The following SEC24C variants were observed in gnomAD, a reference collection of about 807,000 sequenced individuals.
SEC24C encodes SEC24 homolog C, COPII component.
A neutral mutation model predicts 117.0 loss-of-function variants in SEC24C; 22 were observed. That is an observed-to-expected ratio of 0.19 (90% CI 0.13 to 0.27). The LOEUF (loss-of-function observed/expected upper bound fraction) is 0.27. Among genes scored for constraint, SEC24C ranks in the 10% least tolerant of loss-of-function variants. SEC24C has a pLI of 1.00. For missense variants in SEC24C, 1,155 were observed against 1,375.1 expected (o/e 0.84, Z 2.53); for synonymous variants, 506 against 529.4 (o/e 0.96, Z 0.61).
Position 73,746,918 on chromosome 10 carries a change from G to T in SEC24C, c.86G>T (p.Gly29Val). 1 of 1,614,048 alleles carries T rather than the reference G, an allele frequency of 6.2e-7. No individual in the cohort carries two copies. The highest frequency in any genetic ancestry group is 2.2e-5 in the East Asian group (1 of 44,874). Residue 29 changes from glycine (G) to valine (V), a missense_variant, in exon 2 of 23, where the codon GGT becomes GTT. This residue lies in a region of SEC24C where 396 missense variants were observed against 382.8 expected (regional missense o/e 1.03). Coordinates refer to ENST00000345254, the MANE Select transcript of SEC24C (RefSeq NM_198597.3). The part of the protein sequence containing the change: ...IYPGYHQSSY[G>V]GQSGSTAPAI... ...CCAGGGTATCATCAGTCCAGCTATG[G>T]TGGGCAATCAGGGTCCACAGCCCCC...
chr10:73,769,963 C>T lies in SEC24C; in HGVS notation c.2810C>T (p.Ser937Phe), dbSNP rs76327331. 344 of 1,614,174 alleles carry T rather than the reference C, an allele frequency of 2.1e-4. 1 individual carries two copies. The African/African-American group carries it at 3.9e-3, about 18-fold the overall frequency. ...GCCTATGTCCGACAGCTAGTTACCT[C>T]CATGGATGTGACTGAGACCAATGTC... The part of the protein sequence containing the change: ...DRAYVRQLVT[S>F]MDVTETNVFF... Residue 937 changes from serine to phenylalanine, a missense_variant, in exon 20 of 23, where the codon TCC (serine) becomes TTC (phenylalanine). Ser to Phe is a radical substitution (Grantham distance 155). Transcript: ENST00000345254. This position sits in a 1 kb window ranked among gnomAD's most constrained non-coding sequence, Gnocchi z 4.5.
At chr10:73,765,303 A>T in intron 8 of SEC24C, 148 bp from the exon 9 acceptor site, 1 of 764,468 alleles carries the variant, frequency 1.3e-6, no homozygotes, top group Non-Finnish European at 2.1e-6. Flanking sequence ...ATTTGTCTTT[A>T]CTCCCTTTCA....
intron 2 of SEC24C, among the ~76,000 whole-genome samples, chr10:73,750,191 G>C (rs2082623982): frequency 2.0e-5 from 3 of 152,230 alleles, no homozygotes; most frequent in Admixed American, 2.0e-4. Flanking sequence ...AGAAAGCTTT[G>C]TTAGAGGAAA....
chr10:73,751,693 T>G (rs896220226), intron 3 of SEC24C: 2 of 152,352 alleles, frequency 1.3e-5, no homozygotes, highest in Non-Finnish European at 2.9e-5. Flanking sequence ...TCTACCCTTT[T>G]GTACTTTGTC....
chr10:73,759,896 C>T (rs1313960056), intron 4 of SEC24C, 102 bp downstream of exon 4: 1 of 1,482,536 alleles, frequency 6.7e-7, no homozygotes, highest in Non-Finnish European at 9.0e-7. Flanking sequence ...ATTTCCTGTG[C>T]CTCTGAGCCT....
chr10:73,761,520 C>T (rs1412647986), intron 6 of SEC24C, among the ~76,000 whole-genome samples: 1 of 152,184 alleles, frequency 6.6e-6, no homozygotes, highest in Non-Finnish European at 1.5e-5. Context: ...GTAGGGGCCA[C>T]TTTATAGTTC....
chr10:73,759,272 G>C (rs933628517), intron 3 of SEC24C, among the ~76,000 whole-genome samples: 4 of 152,006 alleles, frequency 2.6e-5, no homozygotes, highest in African/African-American at 9.7e-5. Context: ...ATGCTTATGC[G>C]TGCCTTCCCT....
chr10:73,769,886 G>A lies in SEC24C; in HGVS notation c.2733G>A (p.Val911=), dbSNP rs1224133909. 2 of 1,614,228 alleles carry A rather than the reference G, an allele frequency of 1.2e-6. No individual in the cohort carries two copies. The highest frequency in any genetic ancestry group is 3.3e-5 in the Admixed American group (2 of 60,024). Residue 911 remains valine, a synonymous_variant, in exon 20 of 23, where the codon GTG becomes GTA. Transcript: ENST00000345254. This position sits in a 1 kb window ranked among gnomAD's most constrained non-coding sequence, Gnocchi z 4.5. ...TACTCCCAGTTTACCTGAACTGTGT[G>A]TTGAAGAGTGATGTCCTGCAGCCTG... ...MKLLPVYLNC[V]LKSDVLQPGA...
intron 9 of SEC24C, 22 bp downstream of exon 9, chr10:73,765,611 T>C: frequency 6.2e-7 from 1 of 1,609,570 alleles, no homozygotes; most frequent in Non-Finnish European, 8.5e-7. Flanking sequence ...GAAGCTGGGA[T>C]TTGGGGGAAG....
At position 73,766,475 on chromosome 10, in the gene SEC24C, A is replaced by C; in HGVS notation, c.1733A>C (p.Asp578Ala). 6.2e-7 allele frequency: 1 copy of C among 1,613,988 alleles called. No homozygotes were observed. The highest frequency in any genetic ancestry group is 8.5e-7 in the Non-Finnish European group (1 of 1,180,030). ...PQMMVVSDVA[D>A]MFVPLLDGFL... ...ATGATGGTTGTGTCTGATGTGGCTG[A>C]CATGTTTGTGCCACTGCTGGATGGC... The change falls in exon 12 of 23, where the codon GAC becomes GCC. Residue 578 changes from aspartate to alanine, a missense_variant. Asp to Ala is a moderately radical substitution (Grantham distance 126). Around this residue, in one of 2 missense-constraint regions of SEC24C, gnomAD observed 759 missense variants for 992.3 expected, o/e 0.76. Transcript: ENST00000345254.
intron 2 of SEC24C, 58 bp downstream of exon 2, chr10:73,747,062 G>T: frequency 6.5e-7 from 1 of 1,531,204 alleles, no homozygotes; most frequent in Non-Finnish European, 8.9e-7. Flanking sequence ...GAGTCTTCAG[G>T]TTGGGTTGTA....
intron 2 of SEC24C, among the ~76,000 whole-genome samples, chr10:73,750,374 TGA>T (rs1491132847): frequency 6.6e-6 from 1 of 152,230 alleles, no homozygotes; most frequent in Non-Finnish European, 1.5e-5. Context: ...GCTTTCTCCC[TGA>T]ACTTCATATG....
intron 3 of SEC24C, among the ~76,000 whole-genome samples, chr10:73,758,220 G>A (rs960605958): frequency 2.0e-5 from 3 of 152,002 alleles, no homozygotes; most frequent in Non-Finnish European, 2.9e-5. Context: ...GGGCGACAGA[G>A]TGAGACTCTG....
intron 8 of SEC24C, among the ~76,000 whole-genome samples, chr10:73,765,111 G>A (rs1008286874): frequency 4.6e-5 from 7 of 152,286 alleles, no homozygotes; most frequent in South Asian, 2.1e-4. Context: ...CATTAGAGAT[G>A]GGGCCAGAAA....
chr10:73,746,368 C>T (rs542526255), intron 1 of SEC24C, among the ~76,000 whole-genome samples: 5 of 152,146 alleles, frequency 3.3e-5, no homozygotes, highest in Admixed American at 1.3e-4. Flanking sequence ...ATCAATTGTT[C>T]AGCACACTAG....
At position 73,770,010 on chromosome 10, in the gene SEC24C, C is replaced by A; in HGVS notation, c.2857C>A (p.Pro953Thr). The A allele has an allele frequency of 6.2e-7, 1 of 1,614,028 alleles. No individual in the cohort carries two copies. Among genetic ancestry groups the A allele is most frequent in the Non-Finnish European group, 8.5e-7 (1 of 1,179,954 alleles). ...TGTCTTCTTCTACCCTCGGCTCTTA[C>A]CTTTGGTGCGATTGAGGGTTGGAGT... ...TNVFFYPRLLPLTKSPVESTT... is the reference protein window; with the variant it reads ...TNVFFYPRLLTLTKSPVESTT... Residue 953 changes from proline to threonine, a missense_variant, in exon 20 of 23, where the codon CCT becomes ACT. Pro to Thr is a conservative substitution (Grantham distance 38). Transcript: ENST00000345254.
At chr10:73,766,963 T>C in intron 13 of SEC24C, 91 bp from the exon 14 acceptor site, 1 of 1,378,248 alleles carries the variant, frequency 7.3e-7, no homozygotes, top group Non-Finnish European at 1.0e-6. Flanking sequence ...TCCAGTGTGT[T>C]AGACTGTCTG....
chr10:73,754,038 T>C (rs1247519381), intron 3 of SEC24C, among the ~76,000 whole-genome samples: 1 of 152,178 alleles, frequency 6.6e-6, no homozygotes, highest in Non-Finnish European at 1.5e-5. Context: ...CTTCTTCCAG[T>C]ATAGCCCAGG....
At position 73,768,768 on chromosome 10, in the gene SEC24C, A is replaced by T. The variant is rs752805666; in HGVS notation, c.2182-42A>T. The T allele has an allele frequency of 1.9e-6, 3 of 1,590,864 alleles. No individual in the cohort carries two copies. In the Admixed American group the frequency reaches 5.0e-5, roughly 27 times the overall value. On this transcript the variant is annotated intron_variant, in intron 15 of 22. Coordinates refer to ENST00000345254, the MANE Select transcript of SEC24C (RefSeq NM_198597.3). ...AGGGAGATTGTCTGCACGATGAGCT[A>T]TGTCTAGTCAGTGACATGACTCTGG... is the stretch of plus-strand genomic sequence containing the variant.
Sources: gnomAD v4.1 joint callset for allele counts (sites outside exome capture counted in the v4.1 genomes callset) on GRCh38, gnomAD v4.1.1 for gene constraint, gnomAD v4.1.1 regional missense constraint, Gnocchi (gnomAD v3.1) non-coding constraint, MANE v1.5 for transcripts, NCBI Gene and HGNC (gene_info 2026-07-23, HGNC 2026-07-21) for gene names.